The following TNRC18 variants were observed in gnomAD, a reference collection of about 807,000 sequenced individuals.
The protein encoded by TNRC18 is trinucleotide repeat containing 18.
TNRC18 carries 69 observed loss-of-function variants against 226.7 expected under a neutral mutation model. The ratio of observed to expected loss-of-function variants is 0.30; its 90% CI spans 0.25 to 0.37. The LOEUF (loss-of-function observed/expected upper bound fraction) is 0.37, where lower values mean the gene tolerates loss of function less well. Ranked by LOEUF, TNRC18 falls within the 10% of genes least tolerant of loss-of-function variation. TNRC18 has a pLI of 1.00. For synonymous variants in TNRC18, 2,449 were observed against 1,927.6 expected, an observed-to-expected ratio of 1.27 and a Z score of -7.09; for missense variants, 4,754 against 4,256.6, an observed-to-expected ratio of 1.12 and a Z score of -3.25.
chr7:5,346,955 G>A (rs896427520), intron 17 of TNRC18, among the ~76,000 whole-genome samples: 1 of 152,170 alleles, frequency 6.6e-6, no homozygotes, highest in Admixed American at 6.5e-5. Context: ...CTCATGGGAT[G>A]CCCAGGAAGG....
At chr7:5,355,652 C>G (rs1179881601) in intron 16 of TNRC18, among the ~76,000 whole-genome samples, 1 of 152,050 alleles carries the variant, frequency 6.6e-6, no homozygotes, top group Non-Finnish European at 1.5e-5. Flanking sequence ...TCAGGAGGTT[C>G]AGAGGGGAGG....
intron 11 of TNRC18, 146 bp from the exon 12 acceptor site, chr7:5,362,971 T>C (rs1209518064): frequency 1.0e-5 from 8 of 791,100 alleles, no homozygotes; most frequent in Non-Finnish European, 1.5e-5. Flanking sequence ...CTTTGTGACA[T>C]GCCGGAAGTC....
At chr7:5,357,487 C>G (rs1199074009) in intron 15 of TNRC18, among the ~76,000 whole-genome samples, 2 of 152,254 alleles carry the variant, frequency 1.3e-5, no homozygotes, top group East Asian at 3.9e-4. Context: ...TCTCGGCTCA[C>G]TGCAACCTCC....
intron 2 of TNRC18, among the ~76,000 whole-genome samples, chr7:5,398,328 G>A (rs1300118566): frequency 2.0e-5 from 3 of 151,952 alleles, no homozygotes; most frequent in Admixed American, 1.3e-4. Context: ...ACCCCACGAC[G>A]CCTGGCTAAT....
intron 13 of TNRC18, 69 bp from the exon 14 acceptor site, chr7:5,361,791 TGCACACAC>T (rs1429225378): frequency 1.3e-6 from 2 of 1,535,092 alleles, no homozygotes; most frequent in Non-Finnish European, 1.8e-6. Flanking sequence ...GGGCACACGA[TGCACACAC>T]GGCGCCGGGT....
chr7:5,356,784 T>C (rs948064425), intron 16 of TNRC18, 132 bp downstream of exon 16: 181 of 1,286,666 alleles, frequency 1.4e-4, no homozygotes, highest in Middle Eastern at 1.1e-3. Context: ...TCAGGCACTG[T>C]AGTGCGCCCC....
rs1562492667 is a variant in TNRC18, at chr7:5,324,226, G to A, written c.6430C>T (p.Pro2144Ser). 1 of 1,606,534 alleles carries A rather than the reference G, an allele frequency of 6.2e-7. No individual in the cohort carries two copies. The highest frequency in any genetic ancestry group is 8.5e-7 in the Non-Finnish European group (1 of 1,177,808). Residue 2144 changes from proline to serine, a missense_variant, in exon 21 of 30, where the codon CCG (proline) becomes TCG (serine). Pro to Ser is a moderately conservative substitution (Grantham distance 74). Transcript: ENST00000430969. This position sits in a 1 kb window ranked among gnomAD's most constrained non-coding sequence, Gnocchi z 4.8. ...HLPRGGAVER[P>S]LTPAPRSCII... The stretch of plus-strand genomic sequence containing the variant: ...CACGGCCACTCACCCGGGGTCAGCG[G>A]CCGCTCCACAGCCCCGCCACGCGGC...
At position 5,306,957 on chromosome 7, in the gene TNRC18, CCTTGGTTTCCCTTGAAGG is replaced by C. The variant is rs1444627090; in HGVS notation, c.*1131_*1148del. 3 of 151,418 alleles carry C rather than the reference CCTTGGTTTCCCTTGAAGG, an allele frequency of 2.0e-5. No homozygotes were observed. The highest frequency in any genetic ancestry group is 2.4e-5 in the African/African-American group (1 of 41,296). The allele number at this position is 151,418 out of a possible 1,614,324, so 9.4% of individuals were successfully genotyped here. A position where few individuals can be genotyped will look rare whatever the true frequency, so the allele number is the denominator to read the frequency against. On this transcript the variant is annotated 3_prime_UTR_variant, in exon 30 of 30. Coordinates refer to ENST00000430969, the MANE Select transcript of TNRC18 (RefSeq NM_001080495.3). ...TTCCCTCAAGATTGTCTGGTTGAGG[CCTTGGTTTCCCTTGAAGG>C]CTTGGGGCCTGGTTAAGTGCTTTCT...
chr7:5,415,633 G>C (rs1782135721), intron 2 of TNRC18, among the ~76,000 whole-genome samples: 1 of 150,566 alleles, frequency 6.6e-6, no homozygotes, highest in Non-Finnish European at 1.5e-5. Flanking sequence ...AGCCTGCCTA[G>C]GCCTCCCAAA....
rs746716963 is a variant in TNRC18, at chr7:5,332,950, C to T, written c.5819G>A (p.Gly1940Glu). Residue 1940 changes from glycine (G) to glutamate (E), a missense_variant, in exon 19 of 30, where the codon GGA becomes GAA. By Grantham distance (98) the Gly-to-Glu change is moderately conservative. Transcript: ENST00000430969. ...LRPKKGLGEP[G>E]PSLAAPTPGA... ...AGGCGTGGGTGCGGCCAGGGAGGGT[C>T]CCGGCTCCCCCAGCCCCTTCTTGGG... 6 of 1,552,628 alleles carry T rather than the reference C, an allele frequency of 3.9e-6. No individual in the cohort carries two copies. Among genetic ancestry groups the T allele is most frequent in the Non-Finnish European group, 4.3e-6 (5 of 1,156,588 alleles).
chr7:5,420,085 C>A (rs1026097611), intron 2 of TNRC18: 14 of 280,154 alleles, frequency 5.0e-5, no homozygotes, highest in Non-Finnish European at 9.2e-5. Flanking sequence ...CCGGGCAGGT[C>A]TGGAGGTCCC....
chr7:5,363,376 G>A (rs567088498), intron 11 of TNRC18, among the ~76,000 whole-genome samples: 128 of 152,246 alleles, frequency 8.4e-4, no homozygotes, highest in Non-Finnish European at 1.2e-3. Flanking sequence ...GCCGAGGCGG[G>A]CAGATCATGA....
Position 5,370,690 on chromosome 7 carries a change from C to T in TNRC18, c.3904G>A (p.Glu1302Lys), listed in dbSNP as rs993878581. Reference protein sequence around the residue: ...EMSDCDVPAGEGQCPSLEPQE... With the variant: ...EMSDCDVPAGKGQCPSLEPQE... The stretch of plus-strand genomic sequence containing the variant: ...GGCTCCAGGCTCGGGCACTGTCCCT[C>T]CCCGGCGGGCACGTCACAGTCTGAC... Residue 1302 changes from glutamate to lysine, a missense_variant, in exon 11 of 30, where the codon GAG (glutamate) becomes AAG (lysine). Glu to Lys is a moderately conservative substitution (Grantham distance 56). Coordinates refer to ENST00000430969, the MANE Select transcript of TNRC18 (RefSeq NM_001080495.3). 2.5e-6 allele frequency: 4 copies of T among 1,611,582 alleles called. No individual in the cohort carries two copies. The East Asian group carries it at 8.9e-5, about 36-fold the overall frequency.
Position 5,402,605 on chromosome 7 carries a change from G to C in TNRC18, c.188-8010C>G, listed in dbSNP as rs536316495. 5.7e-4 allele frequency among the ~76,000 whole-genome samples: 86 copies of C among 152,104 alleles called. 2 individuals are homozygous for C. Among genetic ancestry groups the C allele is most frequent in the Non-Finnish European group, 1.5e-4 (10 of 67,988 alleles). ...GCAGTGGCTCACGCCTGTAATCCCA[G>C]CACTTTGGGAGGCCGAGGCAGGCAG... On this transcript the variant is annotated intron_variant, in intron 2 of 29. Transcript: ENST00000430969.
At position 5,423,809 on chromosome 7, in the gene TNRC18, C is replaced by G. The variant is rs932077658; in HGVS notation, c.-612G>C. Among the ~76,000 whole-genome samples, 1 of 151,230 alleles carries G rather than the reference C, an allele frequency of 6.6e-6. No homozygotes were observed. Among genetic ancestry groups the G allele is most frequent in the Non-Finnish European group, 1.5e-5 (1 of 67,734 alleles). ...TGGAAAAGGTACATTACACAACCCC[C>G]CTTTCAAGTTCCTCTCGCAGGATCT... is the stretch of plus-strand genomic sequence containing the variant. On this transcript the variant is annotated 5_prime_UTR_variant, in exon 1 of 30. Transcript: ENST00000430969.
At chr7:5,356,842 G>T in intron 16 of TNRC18, 74 bp downstream of exon 16, 1 of 1,449,580 alleles carries the variant, frequency 6.9e-7, no homozygotes. Context: ...GGGGGGGAAG[G>T]AGGACGGTGG....
intron 19 of TNRC18, among the ~76,000 whole-genome samples, chr7:5,329,164 A>G (rs1789248535): frequency 6.6e-6 from 1 of 151,956 alleles, no homozygotes; most frequent in Admixed American, 6.6e-5. Context: ...TGAGCCGAGC[A>G]TGGTGGTGAG....
At chr7:5,402,038 G>C (rs1186525349) in intron 2 of TNRC18, among the ~76,000 whole-genome samples, 1 of 152,018 alleles carries the variant, frequency 6.6e-6, no homozygotes, top group African/African-American at 2.4e-5. Flanking sequence ...AATTAGCTGG[G>C]CGTGGTGGCG....
At position 5,385,915 on chromosome 7, in the gene TNRC18, G is replaced by A. The variant is rs539493346; in HGVS notation, c.2152+1757C>T. On this transcript the variant is annotated intron_variant, in intron 5 of 29. Coordinates refer to ENST00000430969, the MANE Select transcript of TNRC18 (RefSeq NM_001080495.3). Reference sequence around the variant, plus strand: ...TGAGAATCACTTGAACCCAGGAGGCGGAGGTTGCAGTGAGCCAAGATCATG... The same window carrying A: ...TGAGAATCACTTGAACCCAGGAGGCAGAGGTTGCAGTGAGCCAAGATCATG... Among the ~76,000 whole-genome samples the A allele has an allele frequency of 3.0e-3, 435 of 145,170 alleles. 5 individuals carry two copies. The highest frequency in any genetic ancestry group is 9.9e-3 in the African/African-American group (387 of 39,156).
Sources: gnomAD v4.1 joint callset for allele counts (sites outside exome capture counted in the v4.1 genomes callset) on GRCh38, gnomAD v4.1.1 for gene constraint, Gnocchi (gnomAD v3.1) non-coding constraint, MANE v1.5 for transcripts, NCBI Gene and HGNC (gene_info 2026-07-23, HGNC 2026-07-21) for gene names.